Variants in COL24A1 observed in about 807,000 individuals in gnomAD.
COL24A1 encodes collagen type XXIV alpha 1 chain.
A neutral mutation model predicts 253.9 loss-of-function variants in COL24A1; 224 were observed. That is an observed-to-expected ratio of 0.88 (90% confidence interval 0.79 to 0.99). The LOEUF (loss-of-function observed/expected upper bound fraction) is 0.99. COL24A1 is among the 50% of genes least tolerant of loss of function. The probability of loss-of-function intolerance (pLI) is 0.00; values close to 1 mark genes in which losing one functional copy is unlikely to be tolerated. For missense variants in COL24A1, 2,131 were observed against 2,068.5 expected (o/e 1.03, Z -0.59); for synonymous variants, 685 against 673.7 (o/e 1.02, Z -0.26).
rs754042914 is a variant in COL24A1 at position 86,092,274 on chromosome 1, C to T, written c.1646G>A (p.Gly549Glu). 14 of 1,599,216 alleles carry T rather than the reference C, an allele frequency of 8.8e-6. No homozygotes were observed. In the South Asian group the frequency reaches 1.4e-4, roughly 17 times the overall value. Residue 549 changes from glycine to glutamate, a missense_variant, in exon 6 of 60, where the codon GGA becomes GAA. Physicochemically the swap from Gly to Glu is moderately conservative, Grantham distance 98 (BLOSUM62 -2). Coordinates refer to ENST00000370571, the MANE Select transcript of COL24A1 (RefSeq NM_152890.7). ...PGFSPGQPVP[G>E]EKGDQGLSGL... ...TCATGGTCAAATAATTACCTTTTCT[C>T]CAGGAACAGGTTGACCTGGGGAAAA... is the stretch of plus-strand genomic sequence containing the variant.
intron 7 of COL24A1, among the ~76,000 whole-genome samples, chr1:86,085,369 A>G (rs1702987647): frequency 6.6e-6 from 1 of 152,166 alleles, no homozygotes; most frequent in African/African-American, 2.4e-5. Flanking sequence ...AACTGAGAGG[A>G]TTTTTCAATA....
At chr1:86,013,195 A>G (rs756034231) in intron 19 of COL24A1, among the ~76,000 whole-genome samples, 1 of 152,162 alleles carries the variant, frequency 6.6e-6, no homozygotes, top group Non-Finnish European at 1.5e-5. Context: ...ATTTTCAGAT[A>G]TTAACTTAAA....
intron 35 of COL24A1, among the ~76,000 whole-genome samples, chr1:85,874,019 C>A (rs1680855081): frequency 6.6e-6 from 1 of 151,902 alleles, no homozygotes; most frequent in Non-Finnish European, 1.5e-5. Context: ...CCCACCCCAC[C>A]CAAAAAAGAG....
At chr1:85,832,848 G>C (rs1254232558) in intron 43 of COL24A1, among the ~76,000 whole-genome samples, 5 of 150,772 alleles carry the variant, frequency 3.3e-5, no homozygotes, top group African/African-American at 5.0e-5. Context: ...GGGTTTTCTA[G>C]ATATACAATC....
intron 11 of COL24A1, among the ~76,000 whole-genome samples, chr1:86,049,058 T>C (rs1283664049): frequency 6.6e-6 from 1 of 152,226 alleles, no homozygotes; most frequent in African/African-American, 2.4e-5. Flanking sequence ...ATCAATTCTC[T>C]GCGTGATCGG....
At chr1:85,875,166 G>T in intron 34 of COL24A1, 111 bp downstream of exon 34, 2 of 877,738 alleles carry the variant, frequency 2.3e-6, no homozygotes, top group Non-Finnish European at 3.7e-6. Flanking sequence ...TTTTTATCTG[G>T]GGGCTTCCAC....
intron 32 of COL24A1, among the ~76,000 whole-genome samples, chr1:85,887,916 T>C (rs1177055182): frequency 2.0e-5 from 3 of 152,174 alleles, no homozygotes; most frequent in Non-Finnish European, 4.4e-5. Context: ...CAACATTTTT[T>C]AACTTCAGTG....
chr1:85,940,897 G>A (rs576381168), intron 24 of COL24A1, among the ~76,000 whole-genome samples: 67 of 152,254 alleles, frequency 4.4e-4, no homozygotes, highest in Non-Finnish European at 7.5e-4. Flanking sequence ...AACTTGTGCT[G>A]TACTCCCTGC....
intron 7 of COL24A1, among the ~76,000 whole-genome samples, chr1:86,077,031 A>C (rs1270460036): frequency 6.6e-6 from 1 of 152,244 alleles, no homozygotes; most frequent in East Asian, 1.9e-4. Context: ...ACAGCAAAAG[A>C]AACTATCATC....
intron 3 of COL24A1, among the ~76,000 whole-genome samples, chr1:86,119,085 G>T (rs1170358976): frequency 6.6e-6 from 1 of 152,022 alleles, no homozygotes; most frequent in African/African-American, 2.4e-5. Flanking sequence ...AGAGAATTTT[G>T]GTAAAAGATG....
At chr1:85,818,195 C>G in intron 45 of COL24A1, 108 bp from the exon 46 acceptor site, 1 of 785,166 alleles carries the variant, frequency 1.3e-6, no homozygotes, top group Non-Finnish European at 2.2e-6. Context: ...CTAGCACGAA[C>G]TAGTTGTATA....
rs1553237034 is a variant in COL24A1 at position 85,945,018 on chromosome 1, T to TTTTTTTTTG, written c.2562+16230_2562+16231insCAAAAAAAA. 5.3e-4 allele frequency among the ~76,000 whole-genome samples: 46 copies of TTTTTTTTTG among 86,854 alleles called. 1 individual carries two copies. Among genetic ancestry groups the TTTTTTTTTG allele is most frequent in the Middle Eastern group, 5.8e-3 (1 of 172 alleles). 57.0% of individuals were successfully genotyped at this position (86,854 alleles called of 152,430 possible). On this transcript the variant is annotated intron_variant, in intron 24 of 59. Transcript: ENST00000370571. ...TATCATTGTGTTTTTTTTTTTTTTT[T>TTTTTTTTTG]TTTTTTTTTTTTTTTTTGAGACAGA...
chr1:86,049,865 G>C (rs1293691139), intron 11 of COL24A1, among the ~76,000 whole-genome samples: 1 of 151,790 alleles, frequency 6.6e-6, no homozygotes, highest in South Asian at 2.1e-4. Context: ...TTCATAATTA[G>C]ATATTTTAAT....
At chr1:85,879,114 A>C (rs1571046123) in intron 32 of COL24A1, among the ~76,000 whole-genome samples, 1 of 151,944 alleles carries the variant, frequency 6.6e-6, no homozygotes, top group African/African-American at 2.4e-5. Context: ...TTTTTCTTTC[A>C]TGGGTTGTGC....
At chr1:85,768,506 A>G (rs1667609020) in intron 53 of COL24A1, among the ~76,000 whole-genome samples, 2 of 149,828 alleles carry the variant, frequency 1.3e-5, no homozygotes, top group Admixed American at 1.4e-4. Flanking sequence ...TGAGAGATGG[A>G]TTGAGAATAG....
chr1:86,063,671 G>A (rs1701270577), intron 8 of COL24A1, 44 bp downstream of exon 8: 2 of 1,389,766 alleles, frequency 1.4e-6, no homozygotes, highest in Non-Finnish European at 1.9e-6. Context: ...TCTAACATGT[G>A]TCTTTTTCAC....
chr1:85,971,274 A>G, intron 21 of COL24A1, 66 bp downstream of exon 21: 1 of 1,377,974 alleles, frequency 7.3e-7, no homozygotes, highest in Non-Finnish European at 1.0e-6. Context: ...GGCCCACAAT[A>G]AATAAAAAGG....
intron 43 of COL24A1, among the ~76,000 whole-genome samples, chr1:85,831,259 G>C (rs979989833): frequency 1.3e-5 from 2 of 152,076 alleles, no homozygotes; most frequent in Non-Finnish European, 2.9e-5. Flanking sequence ...TATCAAACAG[G>C]ATTCAGGAAA....
rs773199435 is a variant in COL24A1, at chr1:85,744,772, G to T, written c.4566C>A (p.Asn1522Lys). Residue 1522 changes from asparagine (N) to lysine (K), a missense_variant, in exon 57 of 60, where the codon AAC (asparagine) becomes AAA (lysine). Physicochemically the swap from Asn to Lys is moderately conservative, Grantham distance 94 (BLOSUM62 0). Coordinates refer to ENST00000370571, the MANE Select transcript of COL24A1 (RefSeq NM_152890.7). Reference sequence around the variant, plus strand: ...TGCTGTGCAATAAATTGCTAAGGTAGTTCAGGGTTTTGAATATCTCTTCAC... The same window carrying T: ...TGCTGTGCAATAAATTGCTAAGGTATTTCAGGGTTTTGAATATCTCTTCAC... Reference protein sequence around the residue: ...DHSEEIFKTLNYLSNLLHSIK... With the variant: ...DHSEEIFKTLKYLSNLLHSIK... 2 of 1,610,186 alleles carry T rather than the reference G, an allele frequency of 1.2e-6. No individual in the cohort carries two copies. The highest frequency in any genetic ancestry group is 2.2e-5 in the East Asian group (1 of 44,796).
Sources: gnomAD v4.1 joint callset for allele counts (sites outside exome capture counted in the v4.1 genomes callset) on GRCh38, gnomAD v4.1.1 for gene constraint, MANE v1.5 for transcripts, NCBI Gene and HGNC (gene_info 2026-07-23, HGNC 2026-07-21) for gene names.